YWHAE: variants seen among roughly 807,000 people sequenced by gnomAD.
YWHAE encodes tyrosine 3-monooxygenase/tryptophan 5-monooxygenase activation protein epsilon, also known as 14-3-3 protein epsilon.
Under a neutral mutation model 30.1 loss-of-function variants are expected in YWHAE, and 4 were observed. The observed-to-expected ratio is 0.13, with a 90% CI of 0.07 to 0.30. The LOEUF (loss-of-function observed/expected upper bound fraction) is 0.30, where lower values mean the gene tolerates loss of function less well. Among genes scored for constraint, YWHAE ranks in the 10% least tolerant of loss-of-function variants. The pLI, the probability that YWHAE is intolerant of heterozygous loss-of-function variation, is 1.00. For missense variants in YWHAE, 121 were observed against 315.9 expected (o/e 0.38, Z 4.68); for synonymous variants, 118 against 111.8 (o/e 1.06, Z -0.35).
intron 3 of YWHAE, 144 bp from the exon 4 acceptor site, chr17:1,361,442 C>T: frequency 1.6e-6 from 1 of 624,116 alleles, no homozygotes; most frequent in Non-Finnish European, 2.5e-6. Context: ...TAATTTTAAA[C>T]ACTCTCAGGA....
At chr17:1,390,871 CAG>C (rs978910668) in intron 1 of YWHAE, among the ~76,000 whole-genome samples, 34 of 152,274 alleles carry the variant, frequency 2.2e-4, no homozygotes, top group African/African-American at 7.9e-4. Flanking sequence ...ATAAAAATTT[CAG>C]AAGAGATAAG....
intron 1 of YWHAE, 142 bp downstream of exon 1, chr17:1,399,905 C>G (rs2073541472): frequency 1.0e-6 from 1 of 993,226 alleles, no homozygotes; most frequent in East Asian, 2.5e-5. Context: ...CCGGGAGCTC[C>G]CAGGCCATTT....
intron 4 of YWHAE, among the ~76,000 whole-genome samples, chr17:1,355,148 A>ATTTTTT (rs1271496520): frequency 9.1e-5 from 7 of 76,836 alleles, no homozygotes; most frequent in African/African-American, 3.1e-4. Flanking sequence ...AAAAAAAAAA[A>ATTTTTT]TTTTTTTTTT....
intron 4 of YWHAE, among the ~76,000 whole-genome samples, chr17:1,357,573 C>T (rs955620948): frequency 1.3e-5 from 2 of 151,508 alleles, no homozygotes; most frequent in Non-Finnish European, 2.9e-5. Context: ...GAGTGAGACT[C>T]CGTCAAAATA....
At chr17:1,349,861 G>A (rs1042094660) in intron 5 of YWHAE, among the ~76,000 whole-genome samples, 3 of 152,032 alleles carry the variant, frequency 2.0e-5, no homozygotes, top group Non-Finnish European at 2.9e-5. Context: ...TGATCCGCCC[G>A]CCTCAGCCTC....
chr17:1,359,955 A>AGG lies in YWHAE; in HGVS notation c.578+1135_578+1136dup, dbSNP rs1482439402. Among the ~76,000 whole-genome samples, 262 of 19,166 alleles carry AGG rather than the reference A, an allele frequency of 0.014. 20 individuals carry two copies. In the East Asian group the frequency reaches 0.32, roughly 23 times the overall value. The allele number at this position is 19,166 out of a possible 152,430, so 12.6% of individuals were successfully genotyped here. On this transcript the variant is annotated intron_variant, in intron 4 of 5. Transcript: ENST00000264335. ...GGGGAGGAGGGGGAGGGGGGGAGAGAGGGGGAGAGAGAGAGAGAGAGATTT... is the reference window on the plus strand; with the variant it reads ...GGGGAGGAGGGGGAGGGGGGGAGAGAGGGGGGGAGAGAGAGAGAGAGAGATTT...
Position 1,384,554 on chromosome 17 carries a change from A to G in YWHAE, c.64+15493T>C, listed in dbSNP as rs369112427. On this transcript the variant is annotated intron_variant, in intron 1 of 5. Coordinates refer to ENST00000264335, the MANE Select transcript of YWHAE (RefSeq NM_006761.5). ...AAAATACAAAAAAAATTAGCCAGGC[A>G]TGGTGGCAGGCACCTGTACTCCCAG... is the stretch of plus-strand genomic sequence containing the variant. Among the ~76,000 whole-genome samples the G allele has an allele frequency of 2.0e-3, 303 of 151,818 alleles. 7 individuals are homozygous for G. The South Asian group carries it at 0.034, about 17-fold the overall frequency.
At chr17:1,384,856 C>A (rs953681101) in intron 1 of YWHAE, among the ~76,000 whole-genome samples, 1 of 151,978 alleles carries the variant, frequency 6.6e-6, no homozygotes, top group African/African-American at 2.4e-5. Context: ...TAGAGGCATG[C>A]GCCACGAAGC....
intron 1 of YWHAE, among the ~76,000 whole-genome samples, chr17:1,381,435 G>T (rs2150868384): frequency 6.6e-6 from 1 of 152,242 alleles, no homozygotes; most frequent in East Asian, 1.9e-4. Flanking sequence ...CTTGAACCCG[G>T]GAGGTGGAGG....
chr17:1,380,494 G>A (rs142464307), intron 1 of YWHAE, among the ~76,000 whole-genome samples: 1 of 152,252 alleles, frequency 6.6e-6, no homozygotes, highest in African/African-American at 2.4e-5. Flanking sequence ...TAACATGGAG[G>A]ATATCCAGCC....
chr17:1,345,620 G>T, intron 5 of YWHAE, 121 bp from the exon 6 acceptor site: 1 of 992,464 alleles, frequency 1.0e-6, no homozygotes, highest in South Asian at 1.4e-5. Context: ...GGTATTAAAC[G>T]CAGGCAAAGG....
intron 1 of YWHAE, among the ~76,000 whole-genome samples, chr17:1,368,338 T>C (rs903214132): frequency 2.6e-5 from 4 of 151,598 alleles, no homozygotes; most frequent in Non-Finnish European, 5.9e-5. Context: ...ATCGCGCCAC[T>C]GTACTCCAGT....
intron 1 of YWHAE, among the ~76,000 whole-genome samples, chr17:1,385,956 G>A (rs1348592494): frequency 6.6e-6 from 1 of 152,106 alleles, no homozygotes; most frequent in Non-Finnish European, 1.5e-5. Context: ...AAGCAGTCTG[G>A]ACTGACGTTT....
intron 5 of YWHAE, among the ~76,000 whole-genome samples, chr17:1,353,668 G>GC (rs1483366171): frequency 2.0e-5 from 3 of 151,642 alleles, no homozygotes; most frequent in African/African-American, 7.3e-5. Flanking sequence ...GGAAGCTGAG[G>GC]CAGGAGAATC....
At chr17:1,350,231 C>T (rs140103741) in intron 5 of YWHAE, among the ~76,000 whole-genome samples, 1 of 152,004 alleles carries the variant, frequency 6.6e-6, no homozygotes, top group East Asian at 2.0e-4. Flanking sequence ...GGATTATAGG[C>T]GTGAGCCACT....
At position 1,354,316 on chromosome 17, in the gene YWHAE, C is replaced by T; in HGVS notation, c.610G>A (p.Ala204Thr). 1 of 1,613,966 alleles carries T rather than the reference C, an allele frequency of 6.2e-7. No individual in the cohort carries two copies. Among genetic ancestry groups the T allele is most frequent in the Non-Finnish European group, 8.5e-7 (1 of 1,179,952 alleles). ...TCTTCACTCAGCGTATCCAGTTCTG[C>T]AATTGCATCATCAAAAGCTGCTTTT... ...LAKAAFDDAI[A>T]ELDTLSEESY... Residue 204 changes from alanine (A) to threonine (T), a missense_variant, in exon 5 of 6, where the codon GCA becomes ACA. Around this residue, in one of 2 missense-constraint regions of YWHAE, gnomAD observed 99 missense variants for 289.3 expected, o/e 0.34. Coordinates refer to ENST00000264335, the MANE Select transcript of YWHAE (RefSeq NM_006761.5).
intron 1 of YWHAE, among the ~76,000 whole-genome samples, chr17:1,388,118 G>GATTTTTTTTTTTTTTTTTTTTTTT (rs2073333538): frequency 6.4e-5 from 1 of 15,504 alleles, no homozygotes; most frequent in Non-Finnish European, 9.3e-5. Flanking sequence ...TTTTTGGTTG[G>GATTTTTTTTTTTTTTTTTTTTTTT]TTTTTTTTTT....
intron 1 of YWHAE, among the ~76,000 whole-genome samples, chr17:1,371,968 A>T (rs2073049789): frequency 6.6e-6 from 1 of 151,828 alleles, no homozygotes; most frequent in Admixed American, 6.6e-5. Flanking sequence ...CTTCCCGAGT[A>T]GCTGGGATTA....
chr17:1,376,495 T>G (rs2073127134), intron 1 of YWHAE, among the ~76,000 whole-genome samples: 1 of 152,118 alleles, frequency 6.6e-6, no homozygotes, highest in African/African-American at 2.4e-5. Flanking sequence ...AAAAAAAGCT[T>G]ACTTTATTCT....
Sources: allele counts gnomAD v4.1 joint callset (sites outside exome capture counted in the v4.1 genomes callset), GRCh38; gene constraint gnomAD v4.1.1; regional missense constraint gnomAD v4.1.1; transcripts MANE v1.5; gene names NCBI Gene and HGNC (gene_info 2026-07-23, HGNC 2026-07-21).